Variants in KCNQ5 observed in about 807,000 individuals in gnomAD.
KCNQ5 encodes the protein potassium voltage-gated channel subfamily KQT member 5.
A neutral mutation model predicts 98.2 loss-of-function variants in KCNQ5; 30 were observed. The ratio of observed to expected loss-of-function variants is 0.31; its 90% CI spans 0.23 to 0.41. The LOEUF (loss-of-function observed/expected upper bound fraction) is 0.41. KCNQ5 is among the 10% of genes least tolerant of loss of function. The pLI, the probability that KCNQ5 is intolerant of heterozygous loss-of-function variation, is 1.00. For missense variants in KCNQ5, 835 were observed against 1,182.5 expected, an observed-to-expected ratio of 0.71 and a Z score of 4.31; for synonymous variants, 458 against 449.4, an observed-to-expected ratio of 1.02 and a Z score of -0.24.
At chr6:72,721,671 T>C (rs907605971) in intron 1 of KCNQ5, among the ~76,000 whole-genome samples, 3 of 152,236 alleles carry the variant, frequency 2.0e-5, no homozygotes, top group Non-Finnish European at 4.4e-5. Flanking sequence ...AAACACAAAA[T>C]GTGTTTTTAT....
intron 5 of KCNQ5, among the ~76,000 whole-genome samples, chr6:73,091,729 G>T (rs866594548): frequency 1.7e-4 from 12 of 70,536 alleles, no homozygotes; most frequent in South Asian, 5.7e-4. Context: ...TGTTTTTGTT[G>T]TTGTTGTTGT....
At chr6:73,044,695 G>C (rs1209818170) in intron 3 of KCNQ5, among the ~76,000 whole-genome samples, 1 of 152,176 alleles carries the variant, frequency 6.6e-6, no homozygotes, top group African/African-American at 2.4e-5. Flanking sequence ...GATGTAACTG[G>C]TAAAATACTA....
At chr6:72,745,612 G>A (rs970701238) in intron 1 of KCNQ5, among the ~76,000 whole-genome samples, 1 of 152,166 alleles carries the variant, frequency 6.6e-6, no homozygotes. Flanking sequence ...AATTAAGATT[G>A]TTGCCCTGAT....
chr6:73,041,866 A>T (rs1307049555), intron 2 of KCNQ5, 70 bp from the exon 3 acceptor site: 59 of 1,573,348 alleles, frequency 3.7e-5, no homozygotes, highest in Non-Finnish European at 5.1e-5. Flanking sequence ...GTCCAAAAAT[A>T]TGCATAGAGC....
intron 3 of KCNQ5, among the ~76,000 whole-genome samples, chr6:73,043,883 C>T (rs1215218355): frequency 2.6e-5 from 4 of 152,198 alleles, no homozygotes; most frequent in Admixed American, 2.6e-4. Flanking sequence ...TAGTCTTTCT[C>T]TTCCTGCCTC....
chr6:73,101,755 CA>C (rs1207173244), intron 5 of KCNQ5, among the ~76,000 whole-genome samples: 3 of 151,674 alleles, frequency 2.0e-5, no homozygotes, highest in African/African-American at 7.3e-5. Flanking sequence ...AAAGAGGATA[CA>C]AAAAAAGGAA....
At chr6:73,094,535 A>C (rs954745126) in intron 5 of KCNQ5, among the ~76,000 whole-genome samples, 3 of 151,978 alleles carry the variant, frequency 2.0e-5, no homozygotes, top group African/African-American at 7.2e-5. Context: ...TTATGCTTTA[A>C]AGAGGTTCTG....
chr6:72,776,841 G>C (rs1407473234), intron 1 of KCNQ5, among the ~76,000 whole-genome samples: 1 of 152,108 alleles, frequency 6.6e-6, no homozygotes, highest in Non-Finnish European at 1.5e-5. Context: ...GATGAATACA[G>C]TACAGCGTAG....
chr6:72,798,758 C>T (rs570707637), intron 1 of KCNQ5, among the ~76,000 whole-genome samples: 8 of 152,242 alleles, frequency 5.3e-5, no homozygotes, highest in Admixed American at 5.2e-4. Flanking sequence ...ATCAAGCCCC[C>T]AGTTCATGGT....
chr6:72,999,333 T>G (rs1481848134), intron 1 of KCNQ5, among the ~76,000 whole-genome samples: 1 of 152,236 alleles, frequency 6.6e-6, no homozygotes, highest in Non-Finnish European at 1.5e-5. Flanking sequence ...TCTTTTTCTC[T>G]TACAATAATC....
chr6:73,095,251 G>A lies in KCNQ5; in HGVS notation c.919-10006G>A, dbSNP rs1295119933. On this transcript the variant is annotated intron_variant, in intron 5 of 13. Transcript: ENST00000370398. ...CAGAGCATTTTGCATTTCTATAAGGGTGTCCAAAGTTTACTGAAGTTTTGA... is the reference window on the plus strand; with the variant it reads ...CAGAGCATTTTGCATTTCTATAAGGATGTCCAAAGTTTACTGAAGTTTTGA... Among the ~76,000 whole-genome samples the A allele has an allele frequency of 1.3e-5, 2 of 152,092 alleles. 1 individual carries two copies. The highest frequency in any genetic ancestry group is 4.1e-4 in the South Asian group (2 of 4,832).
intron 1 of KCNQ5, among the ~76,000 whole-genome samples, chr6:72,818,388 A>AT (rs1298171045): frequency 6.6e-6 from 1 of 152,074 alleles, no homozygotes; most frequent in African/African-American, 2.4e-5. Context: ...TTTAAAAACG[A>AT]TTTTTCACAG....
At chr6:73,053,452 T>G (rs990441592) in intron 3 of KCNQ5, among the ~76,000 whole-genome samples, 1 of 152,108 alleles carries the variant, frequency 6.6e-6, no homozygotes, top group African/African-American at 2.4e-5. Flanking sequence ...TATATTCTTC[T>G]CATCTGCACA....
In KCNQ5 at chr6:73,091,971, A is replaced by G. The variant is rs567437857; in HGVS notation, c.919-13286A>G. 7.2e-5 allele frequency among the ~76,000 whole-genome samples: 11 copies of G among 151,822 alleles called. No homozygotes were observed. The South Asian group carries it at 2.3e-3, about 32-fold the overall frequency. On this transcript the variant is annotated intron_variant, in intron 5 of 13. Transcript: ENST00000370398. ...TTCTACCTATCCGTGAGCATTGGAT[A>G]TGTTTCCATTTGTTTGTGTCATCTA... is the stretch of plus-strand genomic sequence containing the variant.
At chr6:73,060,037 AAT>A (rs1207244393) in intron 3 of KCNQ5, among the ~76,000 whole-genome samples, 5 of 152,322 alleles carry the variant, frequency 3.3e-5, no homozygotes, top group Middle Eastern at 3.4e-3. Context: ...AATGGAATAA[AAT>A]ATTTAAAATT....
intron 1 of KCNQ5, among the ~76,000 whole-genome samples, chr6:72,808,138 G>A (rs183324542): frequency 7.9e-5 from 12 of 152,226 alleles, no homozygotes; most frequent in Middle Eastern, 3.4e-3. Context: ...AGTCAATGGC[G>A]GCCTTATCTG....
chr6:73,152,735 C>G (rs1777201613), intron 10 of KCNQ5, among the ~76,000 whole-genome samples: 1 of 152,186 alleles, frequency 6.6e-6, no homozygotes, highest in Non-Finnish European at 1.5e-5. Flanking sequence ...CTTTGATCTT[C>G]ACCATAGGTT....
intron 1 of KCNQ5, among the ~76,000 whole-genome samples, chr6:72,997,017 A>G (rs1769334611): frequency 1.3e-5 from 2 of 152,216 alleles, no homozygotes; most frequent in Non-Finnish European, 1.5e-5. Flanking sequence ...TAAAGGTCCC[A>G]GACAAGGAGA....
chr6:72,713,106 G>C (rs989594515), intron 1 of KCNQ5, among the ~76,000 whole-genome samples: 4 of 152,128 alleles, frequency 2.6e-5, no homozygotes, highest in Non-Finnish European at 5.9e-5. Context: ...AATGCTGGTT[G>C]GGTTTGCAGC....
Sources: gnomAD v4.1 joint callset for allele counts (sites outside exome capture counted in the v4.1 genomes callset) on GRCh38, gnomAD v4.1.1 for gene constraint, MANE v1.5 for transcripts, NCBI Gene and HGNC (gene_info 2026-07-23, HGNC 2026-07-21) for gene names.